KIRREL3: variants seen among roughly 807,000 people sequenced by gnomAD.
KIRREL3 encodes the protein kirre like nephrin family adhesion molecule 3, also known as kin of IRRE-like protein 3.
A neutral mutation model predicts 89.7 loss-of-function variants in KIRREL3; 36 were observed. The observed-to-expected ratio is 0.40, with a 90% CI of 0.31 to 0.53. The LOEUF is 0.53. KIRREL3 is among the 20% of genes least tolerant of loss of function. KIRREL3 has a pLI of 0.49. For synonymous variants in KIRREL3, 445 were observed against 441.4 expected (o/e 1.01, Z -0.10); for missense variants, 864 against 1,056.6 (o/e 0.82, Z 2.53).
chr11:126,964,360 C>A (rs1191173191), intron 1 of KIRREL3, among the ~76,000 whole-genome samples: 2 of 152,146 alleles, frequency 1.3e-5, no homozygotes, highest in Non-Finnish European at 2.9e-5. Flanking sequence ...GGCATGTGGG[C>A]AACACCCCCT....
intron 1 of KIRREL3, among the ~76,000 whole-genome samples, chr11:126,596,613 C>T (rs1591795485): frequency 6.6e-6 from 1 of 152,178 alleles, no homozygotes; most frequent in Admixed American, 6.5e-5. Context: ...GATGGTTTTT[C>T]TCTGGGAAGT....
chr11:126,592,075 CCCTAGG>C (rs1942163673), intron 1 of KIRREL3, among the ~76,000 whole-genome samples: 1 of 152,154 alleles, frequency 6.6e-6, no homozygotes, highest in Admixed American at 6.5e-5. Flanking sequence ...TTGCTCACAG[CCCTAGG>C]TGGGCCAGGA....
intron 1 of KIRREL3, among the ~76,000 whole-genome samples, chr11:126,657,721 A>G (rs1945216813): frequency 6.6e-6 from 1 of 152,140 alleles, no homozygotes; most frequent in Non-Finnish European, 1.5e-5. Flanking sequence ...ATTTCTGCAC[A>G]TGGTCTGGGT....
Position 126,976,018 on chromosome 11 carries a change from A to G in KIRREL3, c.55+24437T>C, listed in dbSNP as rs2135231597. Among the ~76,000 whole-genome samples, 1 of 150,196 alleles carries G rather than the reference A, an allele frequency of 6.7e-6. No individual in the cohort carries two copies. On this transcript the variant is annotated intron_variant, in intron 1 of 16. Coordinates refer to ENST00000525144, the MANE Select transcript of KIRREL3 (RefSeq NM_032531.4). This position sits in a 1 kb window ranked among gnomAD's most constrained non-coding sequence, Gnocchi z 4.2. ...TGTAAATGGCTAAGGTGTGGCTCTC[A>G]GGACAGAGCATACCCATTCCAGATG... is the stretch of plus-strand genomic sequence containing the variant.
Position 126,719,383 on chromosome 11 carries a change from C to T in KIRREL3, c.56-156471G>A, listed in dbSNP as rs558337135. ...ACTCACAGCTACTCCTTCTCCATCT[C>T]CTTTGCTAGTTCCTCCCCATCTCTA... On this transcript the variant is annotated intron_variant, in intron 1 of 16. Transcript: ENST00000525144. This position sits in a 1 kb window ranked among gnomAD's most constrained non-coding sequence, Gnocchi z 4.7. Among the ~76,000 whole-genome samples the T allele has an allele frequency of 2.0e-4, 31 of 152,172 alleles. No individual in the cohort carries two copies. The highest frequency in any genetic ancestry group is 3.8e-4 in the Non-Finnish European group (26 of 68,026).
At chr11:126,659,190 A>G (rs556057111) in intron 1 of KIRREL3, among the ~76,000 whole-genome samples, 1 of 152,210 alleles carries the variant, frequency 6.6e-6, no homozygotes, top group South Asian at 2.1e-4. Flanking sequence ...TTTCTTCAAG[A>G]ATCTCAGACA....
intron 1 of KIRREL3, among the ~76,000 whole-genome samples, chr11:126,846,916 T>C (rs1261675822): frequency 1.3e-5 from 2 of 152,118 alleles, no homozygotes; most frequent in Non-Finnish European, 2.9e-5. Context: ...GTTAAGGGGG[T>C]ATTATACAGT....
rs1381944502 is a variant in KIRREL3 at position 126,761,505 on chromosome 11, C to T, written c.56-198593G>A. 1.3e-5 allele frequency among the ~76,000 whole-genome samples: 2 copies of T among 152,236 alleles called. No individual in the cohort carries two copies. The highest frequency in any genetic ancestry group is 2.9e-5 in the Non-Finnish European group (2 of 68,042). On this transcript the variant is annotated intron_variant, in intron 1 of 16. Transcript: ENST00000525144. This position sits in a 1 kb window ranked among gnomAD's most constrained non-coding sequence, Gnocchi z 4.4. Reference sequence around the variant, plus strand: ...CCTTTCTCTTTCAAGGCATGGTTAACAGTTGACAGTGCAATGTAAATGCTG... The same window carrying T: ...CCTTTCTCTTTCAAGGCATGGTTAATAGTTGACAGTGCAATGTAAATGCTG...
Position 126,769,026 on chromosome 11 carries a change from T to C in KIRREL3, c.56-206114A>G, listed in dbSNP as rs911497609. 6.6e-6 allele frequency among the ~76,000 whole-genome samples: 1 copy of C among 152,210 alleles called. No homozygotes were observed. The highest frequency in any genetic ancestry group is 2.4e-5 in the African/African-American group (1 of 41,446). On this transcript the variant is annotated intron_variant, in intron 1 of 16. Coordinates refer to ENST00000525144, the MANE Select transcript of KIRREL3 (RefSeq NM_032531.4). This position sits in a 1 kb window ranked among gnomAD's most constrained non-coding sequence, Gnocchi z 4.3. ...TACACATTTCCGCAGCACATTTCCA[T>C]GCCTCTGCATAGGCTGTCCCCTGGG...
chr11:126,881,024 G>T (rs2134712160), intron 1 of KIRREL3, among the ~76,000 whole-genome samples: 1 of 152,328 alleles, frequency 6.6e-6, no homozygotes, highest in Non-Finnish European at 1.5e-5. Flanking sequence ...TTTGTGCTGA[G>T]AATGTCAGAG....
intron 2 of KIRREL3, among the ~76,000 whole-genome samples, chr11:126,532,511 G>A (rs1591690320): frequency 1.3e-5 from 2 of 152,142 alleles, no homozygotes; most frequent in East Asian, 3.8e-4. Flanking sequence ...GAGTAGCTGA[G>A]ATTACAGGCA....
intron 1 of KIRREL3, among the ~76,000 whole-genome samples, chr11:126,992,008 T>C (rs188205450): frequency 7.2e-4 from 110 of 152,330 alleles, no homozygotes; most frequent in African/African-American, 2.6e-3. Context: ...AGGTAGTGCT[T>C]GTGAAAGCCA....
chr11:126,698,583 G>A (rs1298591157), intron 1 of KIRREL3, among the ~76,000 whole-genome samples: 1 of 152,238 alleles, frequency 6.6e-6, no homozygotes, highest in Non-Finnish European at 1.5e-5. Context: ...TCTGCTCAGG[G>A]CTATCCCTTT....
chr11:126,448,418 C>T (rs1955907606), intron 8 of KIRREL3, among the ~76,000 whole-genome samples: 1 of 152,176 alleles, frequency 6.6e-6, no homozygotes, highest in Admixed American at 6.5e-5. Flanking sequence ...TGGCCACCTA[C>T]TGTGTGACCT....
In KIRREL3 at chr11:126,519,511, A is replaced by G. The variant is rs1428629185; in HGVS notation, c.433+1804T>C. On this transcript the variant is annotated intron_variant, in intron 4 of 16. Coordinates refer to ENST00000525144, the MANE Select transcript of KIRREL3 (RefSeq NM_032531.4). The surrounding 1 kb of genome is among the most constrained non-coding windows in gnomAD (Gnocchi z 4.3). ...AGTTGAGAGGAAAGGAAGTGTAATG[A>G]TCATGTCAGGACTGGGGAAGTCAAT... is the stretch of plus-strand genomic sequence containing the variant. Among the ~76,000 whole-genome samples, 4 of 152,206 alleles carry G rather than the reference A, an allele frequency of 2.6e-5. No individual in the cohort carries two copies. The highest frequency in any genetic ancestry group is 5.9e-5 in the Non-Finnish European group (4 of 68,038).
At position 126,624,190 on chromosome 11, in the gene KIRREL3, G is replaced by C. The variant is rs1206293601; in HGVS notation, c.56-61278C>G. Reference sequence around the variant, plus strand: ...TAGGAATGAAGAACTAGAATACAGGGAGCCAGGGGGTGGCGGTGTGGCGGG... The same window carrying C: ...TAGGAATGAAGAACTAGAATACAGGCAGCCAGGGGGTGGCGGTGTGGCGGG... On this transcript the variant is annotated intron_variant, in intron 1 of 16. Transcript: ENST00000525144. The surrounding 1 kb of genome is among the most constrained non-coding windows in gnomAD (Gnocchi z 6.0). Among the ~76,000 whole-genome samples the C allele has an allele frequency of 6.6e-6, 1 of 152,120 alleles. No homozygotes were observed. Among genetic ancestry groups the C allele is most frequent in the Admixed American group, 6.6e-5 (1 of 15,264 alleles).
chr11:126,612,720 T>C lies in KIRREL3; in HGVS notation c.56-49808A>G, dbSNP rs554844218. ...TCTGCCTCTGTGGATTTACCTATAC[T>C]GGACACTCCTACAACATGTGGCCTT... is the stretch of plus-strand genomic sequence containing the variant. On this transcript the variant is annotated intron_variant, in intron 1 of 16. Transcript: ENST00000525144. This position sits in a 1 kb window ranked among gnomAD's most constrained non-coding sequence, Gnocchi z 4.5. 2.9e-4 allele frequency among the ~76,000 whole-genome samples: 44 copies of C among 152,224 alleles called. No homozygotes were observed. Among genetic ancestry groups the C allele is most frequent in the Admixed American group, 8.5e-4 (13 of 15,284 alleles).
intron 1 of KIRREL3, among the ~76,000 whole-genome samples, chr11:126,794,164 A>G (rs540673074): frequency 6.6e-6 from 1 of 152,394 alleles, no homozygotes; most frequent in Admixed American, 6.5e-5. Flanking sequence ...GATATTTCTC[A>G]TGATGGCTGG....
Position 126,526,556 on chromosome 11 carries a change from C to T in KIRREL3, c.265G>A (p.Val89Met). Residue 89 changes from valine to methionine, a missense_variant, in exon 3 of 17, where the codon GTG (valine) becomes ATG (methionine). Transcript: ENST00000525144. The surrounding 1 kb of genome is among the most constrained non-coding windows in gnomAD (Gnocchi z 5.7). Reference protein sequence around the residue: ...LWIKDGLALGVGRDLSSYPQY... With the variant: ...LWIKDGLALGMGRDLSSYPQY... ...TACTCACTTGAGAGGTCCCTGCCCA[C>T]ACCCAGAGCCAAGCCGTCCTTGATC... 1 of 1,613,312 alleles carries T rather than the reference C, an allele frequency of 6.2e-7. No individual in the cohort carries two copies. The highest frequency in any genetic ancestry group is 8.5e-7 in the Non-Finnish European group (1 of 1,179,620).
Sources: allele counts gnomAD v4.1 joint callset (sites outside exome capture counted in the v4.1 genomes callset), GRCh38; gene constraint gnomAD v4.1.1; non-coding constraint Gnocchi (gnomAD v3.1); transcripts MANE v1.5; gene names NCBI Gene and HGNC (gene_info 2026-07-23, HGNC 2026-07-21).